SHISA7: variants seen among roughly 807,000 people sequenced by gnomAD.
The protein encoded by SHISA7 is protein shisa-7.
Under a neutral mutation model 23.9 loss-of-function variants are expected in SHISA7, and 6 were observed. The observed-to-expected ratio is 0.25, with a 90% CI of 0.14 to 0.50. SHISA7 has a LOEUF of 0.50. SHISA7 is among the 20% of genes least tolerant of loss of function. SHISA7 has a pLI of 0.98. For synonymous variants in SHISA7, 386 were observed against 398.3 expected, an observed-to-expected ratio of 0.97 and a Z score of 0.37; for missense variants, 671 against 801.1, an observed-to-expected ratio of 0.84 and a Z score of 1.96.
At chr19:55,436,085 G>A (rs760339849) in intron 3 of SHISA7, among the ~76,000 whole-genome samples, 1 of 152,000 alleles carries the variant, frequency 6.6e-6, no homozygotes, top group Non-Finnish European at 1.5e-5. Flanking sequence ...TCAGGAGTTC[G>A]AGACCAGCCT....
chr19:55,434,907 G>GTGTATA (rs1985377982), intron 3 of SHISA7, among the ~76,000 whole-genome samples: 1 of 123,172 alleles, frequency 8.1e-6, no homozygotes, highest in Admixed American at 8.6e-5. Context: ...TGTGGTGTGT[G>GTGTATA]TGTATATGTG....
At chr19:55,441,608 CCT>C (rs773912466) in intron 1 of SHISA7, among the ~76,000 whole-genome samples, 2 of 152,194 alleles carry the variant, frequency 1.3e-5, no homozygotes, top group Non-Finnish European at 2.9e-5. Flanking sequence ...AATCCAGCGC[CCT>C]CTCTCTCAAC....
Position 55,442,425 on chromosome 19 carries a change from C to A in SHISA7, c.439G>T (p.Ala147Ser). Residue 147 changes from alanine to serine, a missense_variant, in exon 1 of 4, where the codon GCC becomes TCC. Physicochemically the swap from Ala to Ser is moderately conservative, Grantham distance 99. Coordinates refer to ENST00000376325, the MANE Select transcript of SHISA7 (RefSeq NM_001145176.2). The part of the protein sequence containing the change: ...ATTPPPLAGG[A>S]GGAGGAGGGP... ...CCGCCCGCACCCCCAGCGCCCCCGG[C>A]GCCCCCAGCTAGCGGCGGCGGCGTG... is the stretch of plus-strand genomic sequence containing the variant. 2 of 1,411,558 alleles carry A rather than the reference C, an allele frequency of 1.4e-6. No homozygotes were observed. The highest frequency in any genetic ancestry group is 1.4e-5 in the South Asian group (1 of 71,568). The allele number at this position is 1,411,558 out of a possible 1,614,324, so 87.4% of individuals were successfully genotyped here.
chr19:55,435,763 C>T (rs1263370689), intron 3 of SHISA7, among the ~76,000 whole-genome samples: 1 of 140,004 alleles, frequency 7.1e-6, no homozygotes, highest in Non-Finnish European at 1.5e-5. Flanking sequence ...GACCTTGTCT[C>T]GTTAAAAAAA....
intron 3 of SHISA7, among the ~76,000 whole-genome samples, chr19:55,436,283 G>A (rs1985457110): frequency 1.3e-5 from 2 of 151,242 alleles, no homozygotes; most frequent in African/African-American, 4.9e-5. Flanking sequence ...GTGAAACTCT[G>A]TCTCAAAAAA....
chr19:55,442,167 G>T, intron 1 of SHISA7, 26 bp downstream of exon 1: 1 of 1,521,720 alleles, frequency 6.6e-7, no homozygotes, highest in Non-Finnish European at 8.8e-7. Flanking sequence ...CAGGCTCGCA[G>T]TCCTCCCGCC....
intron 3 of SHISA7, among the ~76,000 whole-genome samples, chr19:55,435,366 T>TGTTTATGTG: frequency 1.0e-5 from 1 of 98,586 alleles, no homozygotes; most frequent in East Asian, 3.9e-4. Flanking sequence ...GTGTGTGTGG[T>TGTTTATGTG]GTGTGTGTGG....
intron 2 of SHISA7, among the ~76,000 whole-genome samples, chr19:55,440,011 A>G (rs921189839): frequency 4.0e-5 from 6 of 150,328 alleles, no homozygotes; most frequent in African/African-American, 1.5e-4. Context: ...AATATGATAT[A>G]TCATATTTTA....
chr19:55,434,633 T>A (rs1985340382), intron 3 of SHISA7, among the ~76,000 whole-genome samples: 1 of 108,838 alleles, frequency 9.2e-6, no homozygotes, highest in Non-Finnish European at 1.9e-5. Context: ...GTGTGTGGTG[T>A]GTGTGGTTGT....
intron 3 of SHISA7, among the ~76,000 whole-genome samples, chr19:55,435,909 C>G (rs531596833): frequency 1.3e-5 from 2 of 151,698 alleles, no homozygotes; most frequent in Admixed American, 6.6e-5. Context: ...TGCAAATGTC[C>G]GTAATAAAAA....
chr19:55,433,316 G>T lies in SHISA7; in HGVS notation c.1457C>A (p.Pro486Gln). ...GGCGTCGGACATCCAGGCCGGCTGCGGCGAGCCGTGCAGGGCGTGGTGGTG... is the reference window on the plus strand; with the variant it reads ...GGCGTCGGACATCCAGGCCGGCTGCTGCGAGCCGTGCAGGGCGTGGTGGTG... ...AHHHHALHGSPQPAWMSDAGG... is the reference protein window; with the variant it reads ...AHHHHALHGSQQPAWMSDAGG... Residue 486 changes from proline to glutamine, a missense_variant, in exon 4 of 4, where the codon CCG becomes CAG. By Grantham distance (76) the Pro-to-Gln change is moderately conservative. Coordinates refer to ENST00000376325, the MANE Select transcript of SHISA7 (RefSeq NM_001145176.2). This position sits in a 1 kb window ranked among gnomAD's most constrained non-coding sequence, Gnocchi z 8.4. 1 of 1,482,772 alleles carries T rather than the reference G, an allele frequency of 6.7e-7. No individual in the cohort carries two copies. The highest frequency in any genetic ancestry group is 8.9e-7 in the Non-Finnish European group (1 of 1,125,150). The allele number at this position is 1,482,772 out of a possible 1,614,324, so 91.9% of individuals were successfully genotyped here. A position where few individuals can be genotyped will look rare whatever the true frequency, so the allele number is the denominator to read the frequency against.
Position 55,442,408 on chromosome 19 carries a change from A to C in SHISA7, c.456T>G (p.Gly152=), listed in dbSNP as rs1985618861. Residue 152 remains glycine, a synonymous_variant, in exon 1 of 4, where the codon GGT becomes GGG. Transcript: ENST00000376325. The stretch of plus-strand genomic sequence containing the variant: ...GGCCGGGCCCTGGCCCCCCGCCCGC[A>C]CCCCCAGCGCCCCCGGCGCCCCCAG... ...PLAGGAGGAG[G]AGGGPGPGQA... The C allele has an allele frequency of 1.5e-6, 2 of 1,377,792 alleles. No homozygotes were observed. The highest frequency in any genetic ancestry group is 1.6e-5 in the African/African-American group (1 of 63,632). 85.3% of individuals were successfully genotyped at this position (1,377,792 alleles called of 1,614,324 possible).
intron 3 of SHISA7, among the ~76,000 whole-genome samples, chr19:55,437,134 AG>A: frequency 6.6e-6 from 1 of 152,230 alleles, no homozygotes; most frequent in Admixed American, 6.5e-5. Flanking sequence ...CTTTTCTGCC[AG>A]GGTCCCTGAG....
chr19:55,434,598 G>GCAT (rs1985337476), intron 3 of SHISA7, among the ~76,000 whole-genome samples: 1 of 115,138 alleles, frequency 8.7e-6, no homozygotes, highest in Non-Finnish European at 1.8e-5. Context: ...GTGTGTGTGT[G>GCAT]GTGTGGGTGT....
At chr19:55,438,591 T>A in intron 2 of SHISA7, 1 of 1,304,258 alleles carries the variant, frequency 7.7e-7, no homozygotes, top group Non-Finnish European at 1.0e-6. Flanking sequence ...TTGGGGCTGT[T>A]GACGTTGAGG....
intron 3 of SHISA7, among the ~76,000 whole-genome samples, chr19:55,436,312 C>G (rs902651863): frequency 5.3e-5 from 8 of 150,072 alleles, no homozygotes; most frequent in African/African-American, 2.0e-4. Context: ...CAAAATGAAA[C>G]AAAACAAAAA....
chr19:55,442,381 C>A lies in SHISA7; in HGVS notation c.483G>T (p.Gln161His). Residue 161 changes from glutamine to histidine, a missense_variant, in exon 1 of 4, where the codon CAG becomes CAT. By Grantham distance (24) the Gln-to-His change is conservative. Coordinates refer to ENST00000376325, the MANE Select transcript of SHISA7 (RefSeq NM_001145176.2). ...TCCGGCCCCCTTCCAACCACCCGGCCTGGCCGGGCCCTGGCCCCCCGCCCG... is the reference window on the plus strand; with the variant it reads ...TCCGGCCCCCTTCCAACCACCCGGCATGGCCGGGCCCTGGCCCCCCGCCCG... ...GGAGGGPGPG[Q>H]AGWLEGGRTG... 7.3e-7 allele frequency: 1 copy of A among 1,362,938 alleles called. No individual in the cohort carries two copies. The highest frequency in any genetic ancestry group is 1.7e-5 in the South Asian group (1 of 58,636). 84.4% of individuals were successfully genotyped at this position (1,362,938 alleles called of 1,614,324 possible). A position where few individuals can be genotyped will look rare whatever the true frequency, so the allele number is the denominator to read the frequency against.
At position 55,434,529 on chromosome 19, in the gene SHISA7, G is replaced by C. The variant is rs1331013463; in HGVS notation, c.977-733C>G. ...GTATGTGGTGTGTGTGTGGTTGTGTGGTGTGTGTGTGGTTGTGTGTGTATG... is the reference window on the plus strand; with the variant it reads ...GTATGTGGTGTGTGTGTGGTTGTGTCGTGTGTGTGTGGTTGTGTGTGTATG... On this transcript the variant is annotated intron_variant, in intron 3 of 3. Coordinates refer to ENST00000376325, the MANE Select transcript of SHISA7 (RefSeq NM_001145176.2). Among the ~76,000 whole-genome samples, 3 of 129,938 alleles carry C rather than the reference G, an allele frequency of 2.3e-5. No homozygotes were observed. The Admixed American group carries it at 2.4e-4, about 10-fold the overall frequency. 85.2% of individuals were successfully genotyped at this position (129,938 alleles called of 152,430 possible). A position where few individuals can be genotyped will look rare whatever the true frequency, so the allele number is the denominator to read the frequency against.
intron 3 of SHISA7, among the ~76,000 whole-genome samples, chr19:55,435,398 T>TGTGTGG (rs1985432080): frequency 1.2e-5 from 1 of 80,010 alleles, no homozygotes; most frequent in African/African-American, 4.0e-5. Context: ...TGTGTGTGTG[T>TGTGTGG]GGGTGTGTGT....
Sources: gnomAD v4.1 joint callset for allele counts (sites outside exome capture counted in the v4.1 genomes callset) on GRCh38, gnomAD v4.1.1 for gene constraint, Gnocchi (gnomAD v3.1) non-coding constraint, MANE v1.5 for transcripts, NCBI Gene and HGNC (gene_info 2026-07-23, HGNC 2026-07-21) for gene names.